Variants in FAM171B observed in about 807,000 individuals in gnomAD.
The protein encoded by FAM171B is protein FAM171B.
In FAM171B, 19 loss-of-function variants were observed where a neutral mutation model predicts 75.6. The ratio of observed to expected loss-of-function variants is 0.25; its 90% CI spans 0.18 to 0.37. The LOEUF (loss-of-function observed/expected upper bound fraction) is 0.37. Among genes scored for constraint, FAM171B ranks in the 10% least tolerant of loss-of-function variants. FAM171B has a pLI of 1.00. For missense variants in FAM171B, 848 were observed against 982.4 expected (o/e 0.86, Z 1.83); for synonymous variants, 367 against 361.7 (o/e 1.01, Z -0.17).
intron 6 of FAM171B, among the ~76,000 whole-genome samples, chr2:186,760,474 C>A (rs1426563396): frequency 6.6e-6 from 1 of 152,042 alleles, no homozygotes; most frequent in Non-Finnish European, 1.5e-5. Flanking sequence ...ATCTTAAAAT[C>A]TCTTTGCACA....
chr2:186,747,194 A>G lies in FAM171B; in HGVS notation c.668A>G (p.Gln223Arg). The G allele has an allele frequency of 6.2e-7, 1 of 1,604,482 alleles. No individual in the cohort carries two copies. The highest frequency in any genetic ancestry group is 8.5e-7 in the Non-Finnish European group (1 of 1,176,448). ...ACTGGCTATCTTACAGTTCTACAAC[A>G]GTTTTTGAAAGTGGACAATTTTCTG... ...NVTGYLTVLQ[Q>R]FLKVDNFLHT... The change falls in exon 4 of 8, where the codon CAG becomes CGG. Residue 223 changes from glutamine (Q) to arginine (R), a missense_variant. This residue lies in a region of FAM171B where 665 missense variants were observed against 729.0 expected (regional missense o/e 0.91). Coordinates refer to ENST00000304698, the MANE Select transcript of FAM171B (RefSeq NM_177454.4).
At chr2:186,744,437 C>T (rs1265556360) in intron 3 of FAM171B, among the ~76,000 whole-genome samples, 1 of 152,118 alleles carries the variant, frequency 6.6e-6, no homozygotes, top group African/African-American at 2.4e-5. Context: ...TAAACTAGGG[C>T]TTGATGAATC....
At chr2:186,710,317 G>T (rs1266127107) in intron 1 of FAM171B, among the ~76,000 whole-genome samples, 1 of 152,216 alleles carries the variant, frequency 6.6e-6, no homozygotes. Flanking sequence ...CTAAGCGGGA[G>T]ATTATGCCAC....
chr2:186,731,471 T>C (rs527358230), intron 1 of FAM171B, among the ~76,000 whole-genome samples: 30 of 152,336 alleles, frequency 2.0e-4, no homozygotes, highest in African/African-American at 7.2e-4. Context: ...ATCTGGCTTA[T>C]ATTAGTTGGG....
intron 1 of FAM171B, among the ~76,000 whole-genome samples, chr2:186,733,520 C>A (rs1362652507): frequency 6.6e-6 from 1 of 152,198 alleles, no homozygotes; most frequent in Non-Finnish European, 1.5e-5. Context: ...AAGTTTTGCT[C>A]AGGCCCACTG....
rs943432963 is a variant in FAM171B, at chr2:186,765,804, G to A, written c.*2981G>A. 6.6e-6 allele frequency: 1 copy of A among 151,938 alleles called. No individual in the cohort carries two copies. Among genetic ancestry groups the A allele is most frequent in the South Asian group, 2.1e-4 (1 of 4,828 alleles). 9.4% of individuals were successfully genotyped at this position (151,938 alleles called of 1,614,324 possible). A position where few individuals can be genotyped will look rare whatever the true frequency, so the allele number is the denominator to read the frequency against. ...TGACATTTTGCCTTCTTGTTTCCAG[G>A]TGTTTCTATTTTTTGTATTCTTTCA... is the stretch of plus-strand genomic sequence containing the variant. On this transcript the variant is annotated 3_prime_UTR_variant, in exon 8 of 8. Coordinates refer to ENST00000304698, the MANE Select transcript of FAM171B (RefSeq NM_177454.4).
At chr2:186,704,443 G>A (rs1001112551) in intron 1 of FAM171B, among the ~76,000 whole-genome samples, 9 of 152,220 alleles carry the variant, frequency 5.9e-5, no homozygotes, top group African/African-American at 1.7e-4. Context: ...AGGTAAAAAT[G>A]ACCTTCTCTT....
chr2:186,694,498 A>G, intron 1 of FAM171B, 87 bp downstream of exon 1: 1 of 1,455,754 alleles, frequency 6.9e-7, no homozygotes, highest in Non-Finnish European at 9.2e-7. Flanking sequence ...TTCCCTATCC[A>G]TTCCTATCCT....
At chr2:186,708,518 T>C (rs1689765084) in intron 1 of FAM171B, among the ~76,000 whole-genome samples, 1 of 152,154 alleles carries the variant, frequency 6.6e-6, no homozygotes, top group Non-Finnish European at 1.5e-5. Context: ...ATAAGTATAT[T>C]TGAGGTGTGT....
chr2:186,761,603 G>C lies in FAM171B; in HGVS notation c.1261G>C (p.Ala421Pro). Residue 421 changes from alanine to proline, a missense_variant, in exon 8 of 8, where the codon GCT becomes CCT. Physicochemically the swap from Ala to Pro is conservative, Grantham distance 27 (BLOSUM62 -1). Transcript: ENST00000304698. ...HISTVKVALK[A>P]EDKSQLFNAK... ...CAGTACAGTTAAAGTTGCATTAAAA[G>C]CTGAGGACAAGTCGCAGTTATTCAA... 6.2e-7 allele frequency: 1 copy of C among 1,613,420 alleles called. No individual in the cohort carries two copies.
At chr2:186,725,349 A>AT (rs1690017859) in intron 1 of FAM171B, among the ~76,000 whole-genome samples, 1 of 151,698 alleles carries the variant, frequency 6.6e-6, no homozygotes, top group Non-Finnish European at 1.5e-5. Flanking sequence ...GTCTCAAAAA[A>AT]AAAAAAAAAG....
chr2:186,732,171 T>C (rs1243102948), intron 1 of FAM171B, among the ~76,000 whole-genome samples: 2 of 151,880 alleles, frequency 1.3e-5, no homozygotes, highest in African/African-American at 4.9e-5. Flanking sequence ...TATTATAACT[T>C]TTTTTTGTTG....
intron 4 of FAM171B, among the ~76,000 whole-genome samples, chr2:186,749,585 T>A (rs1690420393): frequency 6.6e-6 from 1 of 152,212 alleles, no homozygotes; most frequent in Non-Finnish European, 1.5e-5. Context: ...AATTGAAAAT[T>A]TTCAGTAAGC....
At chr2:186,746,590 T>C (rs957739917) in intron 3 of FAM171B, among the ~76,000 whole-genome samples, 2 of 152,220 alleles carry the variant, frequency 1.3e-5, no homozygotes, top group African/African-American at 4.8e-5. Flanking sequence ...CAAGCTTTCA[T>C]TTTTGATTGC....
At chr2:186,705,861 G>T (rs1689727067) in intron 1 of FAM171B, among the ~76,000 whole-genome samples, 1 of 152,170 alleles carries the variant, frequency 6.6e-6, no homozygotes, top group Admixed American at 6.5e-5. Context: ...TGGAATGGTT[G>T]CCAATATGTA....
At chr2:186,751,357 C>T (rs903829641) in intron 5 of FAM171B, 53 bp downstream of exon 5, 69 of 1,416,502 alleles carry the variant, frequency 4.9e-5, no homozygotes, top group Admixed American at 1.4e-4. Context: ...TGTCAATTGA[C>T]TAGCTGGATG....
intron 1 of FAM171B, among the ~76,000 whole-genome samples, chr2:186,704,636 T>C (rs1689709992): frequency 6.6e-6 from 1 of 152,210 alleles, no homozygotes; most frequent in Admixed American, 6.5e-5. Context: ...ATTTCCTTCA[T>C]AGCAAGTTTG....
intron 1 of FAM171B, among the ~76,000 whole-genome samples, chr2:186,699,682 C>T (rs558078301): frequency 6.6e-6 from 1 of 152,236 alleles, no homozygotes; most frequent in East Asian, 1.9e-4. Context: ...GGGTATTACT[C>T]AATAAATCTT....
rs968794205 is a variant in FAM171B at position 186,763,181 on chromosome 2, C to T, written c.*358C>T. The T allele has an allele frequency of 1.3e-4, 23 of 182,618 alleles. No homozygotes were observed. The highest frequency in any genetic ancestry group is 2.2e-4 in the Non-Finnish European group (19 of 87,210). 11.3% of individuals were successfully genotyped at this position (182,618 alleles called of 1,614,324 possible). A position where few individuals can be genotyped will look rare whatever the true frequency, so the allele number is the denominator to read the frequency against. On this transcript the variant is annotated 3_prime_UTR_variant, in exon 8 of 8. Coordinates refer to ENST00000304698, the MANE Select transcript of FAM171B (RefSeq NM_177454.4). ...GTTGCCTCCAAAAATGTTGCCTCTA[C>T]CATGGTGACTACCCCATGGAACATT...
Sources: gnomAD v4.1 joint callset for allele counts (sites outside exome capture counted in the v4.1 genomes callset) on GRCh38, gnomAD v4.1.1 for gene constraint, gnomAD v4.1.1 regional missense constraint, MANE v1.5 for transcripts, NCBI Gene and HGNC (gene_info 2026-07-23, HGNC 2026-07-21) for gene names.